Variants in KCTD9 observed in about 807,000 individuals in gnomAD.
The protein encoded by KCTD9 is BTB/POZ domain-containing protein KCTD9.
A neutral mutation model predicts 53.3 loss-of-function variants in KCTD9; 17 were observed. The ratio of observed to expected loss-of-function variants is 0.32; its 90% CI spans 0.22 to 0.48. The LOEUF is 0.48. Among genes scored for constraint, KCTD9 ranks in the 20% least tolerant of loss-of-function variants. KCTD9 has a pLI of 0.99. For synonymous variants in KCTD9, 128 were observed against 162.7 expected, an observed-to-expected ratio of 0.79 and a Z score of 1.62; for missense variants, 179 against 465.5, an observed-to-expected ratio of 0.38 and a Z score of 5.66.
Position 25,435,364 on chromosome 8 carries a change from T to C in KCTD9, c.812A>G (p.Asp271Gly). ...CTTGTAGCCTAAAATGATACTTACG[T>C]CAAGCACTGATCCAGAGAGATCAGC... ...ERADLSGSVL[D>G]CANLQGVKML... Residue 271 changes from aspartate to glycine, a missense_variant and splice_region_variant, in exon 9 of 12, where the codon GAC becomes GGC. Coordinates refer to ENST00000221200, the MANE Select transcript of KCTD9 (RefSeq NM_017634.4). The C allele has an allele frequency of 6.3e-7, 1 of 1,587,628 alleles. No homozygotes were observed. The highest frequency in any genetic ancestry group is 8.6e-7 in the Non-Finnish European group (1 of 1,169,032).
chr8:25,430,707 T>C (rs1801910961), intron 11 of KCTD9, among the ~76,000 whole-genome samples: 1 of 152,070 alleles, frequency 6.6e-6, no homozygotes, highest in South Asian at 2.1e-4. Flanking sequence ...AGCCCCCGAC[T>C]CTGATCTGTG....
In KCTD9 at chr8:25,429,666, A is replaced by C. The variant is rs1586419164; in HGVS notation, c.*191T>G. 2 of 501,134 alleles carry C rather than the reference A, an allele frequency of 4.0e-6. No homozygotes were observed. Among genetic ancestry groups the C allele is most frequent in the East Asian group, 7.4e-5 (2 of 27,132 alleles). 31.0% of individuals were successfully genotyped at this position (501,134 alleles called of 1,614,324 possible). Reference sequence around the variant, plus strand: ...CTATTAAATGAGTGCTTTTCTGTTAAAAATCAGAATATGGAAAAAAAGTCA... The same window carrying C: ...CTATTAAATGAGTGCTTTTCTGTTACAAATCAGAATATGGAAAAAAAGTCA... On this transcript the variant is annotated 3_prime_UTR_variant, in exon 12 of 12. Coordinates refer to ENST00000221200, the MANE Select transcript of KCTD9 (RefSeq NM_017634.4).
intron 1 of KCTD9, chr8:25,457,885 C>G (rs964230530): frequency 4.4e-5 from 10 of 225,630 alleles, no homozygotes; most frequent in African/African-American, 6.9e-5. Context: ...CCCGGGCGCC[C>G]AGGTGACCGC....
chr8:25,443,023 C>T (rs189493614), intron 3 of KCTD9, among the ~76,000 whole-genome samples: 66 of 152,212 alleles, frequency 4.3e-4, no homozygotes, highest in African/African-American at 1.5e-3. Flanking sequence ...TTAATATAAA[C>T]TTTAAGTACT....
At chr8:25,444,797 A>G (rs534134395) in intron 2 of KCTD9, among the ~76,000 whole-genome samples, 2 of 152,286 alleles carry the variant, frequency 1.3e-5, no homozygotes, top group East Asian at 3.9e-4. Flanking sequence ...TTTACCCACT[A>G]CACATCCACC....
intron 4 of KCTD9, among the ~76,000 whole-genome samples, chr8:25,440,337 C>T (rs1054609532): frequency 5.3e-5 from 8 of 152,098 alleles, no homozygotes; most frequent in African/African-American, 1.4e-4. Context: ...GGATTACAGG[C>T]GTGAGCCACC....
Position 25,429,935 on chromosome 8 carries a change from G to A in KCTD9, c.1092C>T (p.Asn364=), listed in dbSNP as rs1801896497. 6.2e-7 allele frequency: 1 copy of A among 1,609,190 alleles called. No homozygotes were observed. The highest frequency in any genetic ancestry group is 1.3e-5 in the African/African-American group (1 of 74,784). Residue 364 remains asparagine (N), a synonymous_variant, in exon 12 of 12, where the codon AAC becomes AAT. Transcript: ENST00000221200. ...CTCCCTTCACGTTGGACCCTCTCAG[G>A]TTGGCTTCTTGAAGATCACACCCAG... ...DLSGCDLQEA[N]LRGSNVKGAI... is the part of the protein sequence containing the mutation.
At chr8:25,431,915 T>C (rs542367735) in intron 11 of KCTD9, among the ~76,000 whole-genome samples, 1 of 152,114 alleles carries the variant, frequency 6.6e-6, no homozygotes, top group Non-Finnish European at 1.5e-5. Flanking sequence ...AAAATCAATT[T>C]CTCATTTGCA....
chr8:25,434,107 T>C (rs1172704461), intron 9 of KCTD9, among the ~76,000 whole-genome samples: 27 of 152,280 alleles, frequency 1.8e-4, no homozygotes. Flanking sequence ...TTTTTTTGTT[T>C]TGTTTTGTTT....
chr8:25,434,435 A>G (rs1801983435), intron 9 of KCTD9, among the ~76,000 whole-genome samples: 2 of 129,312 alleles, frequency 1.5e-5, no homozygotes, highest in Non-Finnish European at 3.3e-5. Flanking sequence ...CGTTTTTGAC[A>G]AACATCTTTT....
chr8:25,432,646 A>G lies in KCTD9; in HGVS notation c.920-9T>C. ...ACCTTTCAGATTAGCACCTACAGTG[A>G]ACACATTCTGGGAGTAGTTTAACTT... On this transcript the variant is annotated splice_polypyrimidine_tract_variant and intron_variant, in intron 10 of 11. Coordinates refer to ENST00000221200, the MANE Select transcript of KCTD9 (RefSeq NM_017634.4). The G allele has an allele frequency of 6.2e-7, 1 of 1,606,952 alleles. No homozygotes were observed. The highest frequency in any genetic ancestry group is 8.5e-7 in the Non-Finnish European group (1 of 1,177,008).
intron 1 of KCTD9, among the ~76,000 whole-genome samples, chr8:25,453,690 A>G (rs1003265097): frequency 1.3e-5 from 2 of 152,032 alleles, no homozygotes; most frequent in Admixed American, 1.3e-4. Flanking sequence ...TTATGCATAT[A>G]TATGTGACAA....
intron 3 of KCTD9, among the ~76,000 whole-genome samples, chr8:25,442,661 G>GTGTAC (rs1171283376): frequency 1.4e-4 from 21 of 152,224 alleles, no homozygotes; most frequent in African/African-American, 4.3e-4. Context: ...CTGGAGGTAA[G>GTGTAC]TGTACGCTTG....
intron 4 of KCTD9, among the ~76,000 whole-genome samples, chr8:25,440,207 C>T (rs368893617): frequency 3.3e-5 from 5 of 151,402 alleles, no homozygotes; most frequent in South Asian, 2.1e-4. Flanking sequence ...TACAGGCGCC[C>T]GCCACTACGC....
At chr8:25,449,927 G>A (rs1160347128) in intron 1 of KCTD9, among the ~76,000 whole-genome samples, 1 of 152,126 alleles carries the variant, frequency 6.6e-6, no homozygotes, top group East Asian at 1.9e-4. Flanking sequence ...CTCAAGACCT[G>A]TTTGTTGTTT....
At chr8:25,448,448 A>G (rs1201675175) in intron 1 of KCTD9, among the ~76,000 whole-genome samples, 1 of 152,240 alleles carries the variant, frequency 6.6e-6, no homozygotes. Flanking sequence ...AGTACTGGAA[A>G]TAAACCGTGG....
Position 25,429,310 on chromosome 8 carries a change from G to A in KCTD9, c.*547C>T, listed in dbSNP as rs1002687433. 6.5e-6 allele frequency: 1 copy of A among 152,950 alleles called. No homozygotes were observed. The highest frequency in any genetic ancestry group is 2.4e-5 in the African/African-American group (1 of 41,434). 9.5% of individuals were successfully genotyped at this position (152,950 alleles called of 1,614,324 possible). A position where few individuals can be genotyped will look rare whatever the true frequency, so the allele number is the denominator to read the frequency against. On this transcript the variant is annotated 3_prime_UTR_variant, in exon 12 of 12. Coordinates refer to ENST00000221200, the MANE Select transcript of KCTD9 (RefSeq NM_017634.4). The stretch of plus-strand genomic sequence containing the variant: ...AAAATGAACCTGAAAAGAGTCTTAG[G>A]GAGTCTGATCTCACCATATTCATAC...
rs1282450707 is a variant in KCTD9 at position 25,439,680 on chromosome 8, A to G, written c.312-16T>C. On this transcript the variant is annotated splice_polypyrimidine_tract_variant and intron_variant, in intron 4 of 11. Transcript: ENST00000221200. ...TAAAGTGCTCCTAAGAATTCAGGGA[A>G]AAAAATTGATTTCTCCATTTGTCTT... 2 of 1,613,604 alleles carry G rather than the reference A, an allele frequency of 1.2e-6. No homozygotes were observed. Among genetic ancestry groups the G allele is most frequent in the South Asian group, 2.2e-5 (2 of 91,042 alleles).
At chr8:25,430,072 C>A in intron 11 of KCTD9, 99 bp from the exon 12 acceptor site, 1 of 741,070 alleles carries the variant, frequency 1.3e-6, no homozygotes, top group South Asian at 1.5e-5. Context: ...GGAAAATGTT[C>A]TTATACAATA....
Sources: gnomAD v4.1 joint callset for allele counts (sites outside exome capture counted in the v4.1 genomes callset) on GRCh38, gnomAD v4.1.1 for gene constraint, MANE v1.5 for transcripts, NCBI Gene and HGNC (gene_info 2026-07-23, HGNC 2026-07-21) for gene names.